The following PLGRKT variants were observed in gnomAD, a reference collection of about 807,000 sequenced individuals.
PLGRKT encodes the protein plasminogen receptor (KT).
PLGRKT carries 22 observed loss-of-function variants against 18.5 expected under a neutral mutation model. That is an observed-to-expected ratio of 1.19 (90% CI 0.85 to 1.70). The LOEUF is 1.70. Ranked by LOEUF, PLGRKT falls within the 40% of genes most tolerant of loss-of-function variation. The probability of loss-of-function intolerance (pLI) is 0.00; values close to 1 mark genes in which losing one functional copy is unlikely to be tolerated. For missense variants in PLGRKT, 235 were observed against 174.4 expected (o/e 1.35, Z -1.96); for synonymous variants, 72 against 52.8 (o/e 1.36, Z -1.58).
chr9:5,407,590 T>C (rs1818280478), intron 3 of PLGRKT, among the ~76,000 whole-genome samples: 1 of 152,032 alleles, frequency 6.6e-6, no homozygotes. Flanking sequence ...GTTCTATCCA[T>C]AACATAAACA....
chr9:5,428,686 G>C (rs1818748835), intron 3 of PLGRKT, among the ~76,000 whole-genome samples: 4 of 152,038 alleles, frequency 2.6e-5, no homozygotes, highest in Non-Finnish European at 5.9e-5. Flanking sequence ...TTTTGTCTCT[G>C]TTCTTTTATT....
chr9:5,383,483 G>C (rs920253637), intron 3 of PLGRKT, among the ~76,000 whole-genome samples: 3 of 152,156 alleles, frequency 2.0e-5, no homozygotes, highest in Non-Finnish European at 2.9e-5. Flanking sequence ...GATGATTCAA[G>C]TGCATTATAT....
intron 3 of PLGRKT, among the ~76,000 whole-genome samples, chr9:5,409,837 A>G (rs1042247913): frequency 2.0e-5 from 3 of 152,354 alleles, no homozygotes; most frequent in African/African-American, 7.2e-5. Flanking sequence ...ATTTGGAATG[A>G]GAGTGTTTAC....
chr9:5,375,726 C>T (rs749306279), intron 3 of PLGRKT, among the ~76,000 whole-genome samples: 7 of 152,120 alleles, frequency 4.6e-5, no homozygotes, highest in African/African-American at 1.4e-4. Context: ...TGTGAAGAAA[C>T]CAGAACCCTT....
chr9:5,433,970 GA>G (rs1359058483), intron 2 of PLGRKT, among the ~76,000 whole-genome samples: 11 of 144,716 alleles, frequency 7.6e-5, no homozygotes, highest in Admixed American at 6.1e-4. Flanking sequence ...AGGAAGTGAG[GA>G]GCGCCTCTGC....
intron 3 of PLGRKT, among the ~76,000 whole-genome samples, chr9:5,396,462 T>A (rs1160849841): frequency 6.6e-6 from 1 of 151,124 alleles, no homozygotes; most frequent in Admixed American, 6.6e-5. Flanking sequence ...ATTTTTGTAT[T>A]TTTAGTATTT....
chr9:5,410,923 T>C (rs758067960), intron 3 of PLGRKT, among the ~76,000 whole-genome samples: 15 of 152,228 alleles, frequency 9.9e-5, no homozygotes, highest in Non-Finnish European at 2.2e-4. Flanking sequence ...CATTATTTAC[T>C]TCAGCTTGAT....
chr9:5,385,545 G>A (rs1817826252), intron 3 of PLGRKT, among the ~76,000 whole-genome samples: 1 of 151,614 alleles, frequency 6.6e-6, no homozygotes, highest in Non-Finnish European at 1.5e-5. Context: ...TTGATCCCCT[G>A]ACCATTTTTC....
intron 3 of PLGRKT, among the ~76,000 whole-genome samples, chr9:5,362,962 G>T (rs1307437473): frequency 1.3e-5 from 2 of 152,118 alleles, no homozygotes; most frequent in Admixed American, 6.5e-5. Context: ...AGACCTTGCA[G>T]AGAGCACACC....
rs149759975 is a variant in PLGRKT at position 5,403,505 on chromosome 9, G to A, written c.81+28392C>T. On this transcript the variant is annotated intron_variant, in intron 3 of 5. Coordinates refer to ENST00000223864, the MANE Select transcript of PLGRKT (RefSeq NM_018465.4). Reference sequence around the variant, plus strand: ...CTCCCAAAGTGCTGGGATTACAGGCGTGAGCCACCACGCCCAGCCATGATT... The same window carrying A: ...CTCCCAAAGTGCTGGGATTACAGGCATGAGCCACCACGCCCAGCCATGATT... Among the ~76,000 whole-genome samples the A allele has an allele frequency of 5.0e-3, 765 of 152,262 alleles. 6 individuals carry two copies. Among genetic ancestry groups the A allele is most frequent in the African/African-American group, 0.017 (722 of 41,538 alleles).
intron 3 of PLGRKT, among the ~76,000 whole-genome samples, chr9:5,404,474 T>C (rs950807654): frequency 5.9e-5 from 9 of 152,170 alleles, no homozygotes; most frequent in Non-Finnish European, 1.3e-4. Context: ...TGGTTCAACA[T>C]ACACAAATCA....
intron 3 of PLGRKT, among the ~76,000 whole-genome samples, chr9:5,421,101 T>C (rs1818567513): frequency 6.6e-6 from 1 of 152,314 alleles, no homozygotes; most frequent in African/African-American, 2.4e-5. Flanking sequence ...AAAACAGTTG[T>C]CCTGGGTACA....
intron 3 of PLGRKT, among the ~76,000 whole-genome samples, chr9:5,423,934 T>C (rs939991931): frequency 6.9e-6 from 1 of 144,580 alleles, no homozygotes; most frequent in South Asian, 2.1e-4. Context: ...CTGTTATATA[T>C]TATATATAGT....
chr9:5,430,996 T>C (rs890641085), intron 3 of PLGRKT, among the ~76,000 whole-genome samples: 4 of 152,262 alleles, frequency 2.6e-5, no homozygotes, highest in Non-Finnish European at 5.9e-5. Flanking sequence ...TAACAAATTA[T>C]ACGAAGTCTG....
intron 3 of PLGRKT, among the ~76,000 whole-genome samples, chr9:5,412,939 T>G (rs532633458): frequency 1.1e-3 from 172 of 150,386 alleles, no homozygotes; most frequent in African/African-American, 4.1e-3. Flanking sequence ...AAACAGAAAA[T>G]TCACAAAAAA....
intron 3 of PLGRKT, among the ~76,000 whole-genome samples, chr9:5,386,498 A>G (rs1817846495): frequency 6.6e-6 from 1 of 151,870 alleles, no homozygotes; most frequent in Non-Finnish European, 1.5e-5. Flanking sequence ...GGACCCCCAC[A>G]CACACACAAC....
chr9:5,380,453 T>G (rs879825073), intron 3 of PLGRKT, among the ~76,000 whole-genome samples: 1 of 152,026 alleles, frequency 6.6e-6, no homozygotes, highest in South Asian at 2.1e-4. Flanking sequence ...TACTATTCTA[T>G]TAACTCATTT....
At chr9:5,403,032 G>A (rs938352611) in intron 3 of PLGRKT, among the ~76,000 whole-genome samples, 1 of 151,768 alleles carries the variant, frequency 6.6e-6, no homozygotes, top group Non-Finnish European at 1.5e-5. Context: ...CTGGATAATA[G>A]GTAGTGGAAG....
At chr9:5,429,533 T>C (rs1387910627) in intron 3 of PLGRKT, among the ~76,000 whole-genome samples, 1 of 152,226 alleles carries the variant, frequency 6.6e-6, no homozygotes, top group Non-Finnish European at 1.5e-5. Context: ...TCCAGGCCCC[T>C]TCCTTGGCTT....
Sources: allele counts gnomAD v4.1 joint callset (sites outside exome capture counted in the v4.1 genomes callset), GRCh38; gene constraint gnomAD v4.1.1; transcripts MANE v1.5; gene names NCBI Gene and HGNC (gene_info 2026-07-23, HGNC 2026-07-21).